NTRK2: variants seen among roughly 807,000 people sequenced by gnomAD.
NTRK2 encodes the protein neurotrophic receptor tyrosine kinase 2.
In NTRK2, 13 loss-of-function variants were observed where a neutral mutation model predicts 94.5. The observed-to-expected ratio is 0.14, with a 90% CI of 0.09 to 0.22. The LOEUF (loss-of-function observed/expected upper bound fraction) is 0.22, where lower values mean the gene tolerates loss of function less well. NTRK2 is among the 10% of genes least tolerant of loss of function. The pLI, the probability that NTRK2 is intolerant of heterozygous loss-of-function variation, is 1.00. For missense variants in NTRK2, 639 were observed against 1,071.2 expected, an observed-to-expected ratio of 0.60 and a Z score of 5.63; for synonymous variants, 372 against 407.4, an observed-to-expected ratio of 0.91 and a Z score of 1.05.
intron 12 of NTRK2, among the ~76,000 whole-genome samples, chr9:84,782,104 G>A (rs1419557346): frequency 5.6e-4 from 85 of 151,670 alleles, no homozygotes; most frequent in Admixed American, 5.3e-3. Flanking sequence ...GTCAGTGGGT[G>A]AGAGGAGCAG....
intron 5 of NTRK2, among the ~76,000 whole-genome samples, chr9:84,708,222 A>G (rs2061226517): frequency 6.6e-6 from 1 of 152,200 alleles, no homozygotes; most frequent in South Asian, 2.1e-4. Flanking sequence ...GCTTTGTGTG[A>G]AAACGGCTGT....
intron 14 of NTRK2, among the ~76,000 whole-genome samples, chr9:84,879,862 G>A (rs1412873774): frequency 6.6e-6 from 1 of 152,154 alleles, no homozygotes; most frequent in Non-Finnish European, 1.5e-5. Flanking sequence ...CCACATGGTG[G>A]GTGCTGAACT....
chr9:85,016,871 T>C (rs1832286649), intron 17 of NTRK2, among the ~76,000 whole-genome samples: 1 of 152,152 alleles, frequency 6.6e-6, no homozygotes, highest in African/African-American at 2.4e-5. Flanking sequence ...GAAGGGATTC[T>C]TGAAAGAATT....
intron 12 of NTRK2, among the ~76,000 whole-genome samples, chr9:84,786,913 C>T (rs1211452848): frequency 1.3e-5 from 2 of 152,050 alleles, no homozygotes; most frequent in African/African-American, 2.4e-5. Context: ...TTTTATTGTC[C>T]TTGAACCAAG....
intron 14 of NTRK2, chr9:84,873,003 A>G: frequency 9.4e-7 from 1 of 1,063,752 alleles, no homozygotes; most frequent in Non-Finnish European, 1.1e-6. Flanking sequence ...CATTACTTTG[A>G]GTACACATGA....
intron 2 of NTRK2, among the ~76,000 whole-genome samples, chr9:84,684,796 T>C (rs1174890012): frequency 6.6e-6 from 1 of 152,234 alleles, no homozygotes; most frequent in Non-Finnish European, 1.5e-5. Flanking sequence ...TGGTATTTTT[T>C]TTCCGTGAAC....
At chr9:84,735,023 C>CT in intron 9 of NTRK2, among the ~76,000 whole-genome samples, 1 of 152,096 alleles carries the variant, frequency 6.6e-6, no homozygotes, top group Middle Eastern at 3.4e-3. Flanking sequence ...GTCCTTTCTT[C>CT]TTTTTTGTAG....
intron 12 of NTRK2, among the ~76,000 whole-genome samples, chr9:84,802,738 A>G (rs942016280): frequency 6.6e-6 from 1 of 152,172 alleles, no homozygotes; most frequent in Non-Finnish European, 1.5e-5. Flanking sequence ...TTTCAGATAG[A>G]GTAAGCTCTC....
intron 9 of NTRK2, among the ~76,000 whole-genome samples, chr9:84,738,748 C>G (rs938789595): frequency 6.6e-6 from 1 of 152,034 alleles, no homozygotes; most frequent in African/African-American, 2.4e-5. Context: ...GTGAGTAGAC[C>G]TTTGTCAGAC....
At chr9:84,715,885 G>C (rs554449426) in intron 6 of NTRK2, among the ~76,000 whole-genome samples, 17 of 152,244 alleles carry the variant, frequency 1.1e-4, no homozygotes, top group African/African-American at 4.1e-4. Context: ...GATTATTAAG[G>C]AGAAGTGGAT....
At chr9:84,770,768 A>C (rs2066470247) in intron 12 of NTRK2, among the ~76,000 whole-genome samples, 1 of 152,132 alleles carries the variant, frequency 6.6e-6, no homozygotes, top group African/African-American at 2.4e-5. Flanking sequence ...TTTCATAATA[A>C]TCTTGCTTTT....
At chr9:84,891,058 C>G (rs1183249355) in intron 14 of NTRK2, among the ~76,000 whole-genome samples, 1 of 152,150 alleles carries the variant, frequency 6.6e-6, no homozygotes, top group East Asian at 1.9e-4. Context: ...GTCAACCTGG[C>G]TGTTTACTTC....
At chr9:84,826,348 T>A (rs2073188484) in intron 12 of NTRK2, among the ~76,000 whole-genome samples, 1 of 152,212 alleles carries the variant, frequency 6.6e-6, no homozygotes, top group Admixed American at 6.5e-5. Flanking sequence ...TGAGTCTCTG[T>A]GTCCTCTCTT....
At chr9:84,892,779 G>C (rs953141374) in intron 14 of NTRK2, among the ~76,000 whole-genome samples, 1 of 152,136 alleles carries the variant, frequency 6.6e-6, no homozygotes, top group Admixed American at 6.5e-5. Flanking sequence ...AAAATTAGCT[G>C]GGTGTGGTGG....
chr9:84,934,105 G>C (rs908642367), intron 14 of NTRK2, 57 bp from the exon 15 acceptor site: 1 of 1,605,126 alleles, frequency 6.2e-7, no homozygotes, highest in East Asian at 2.2e-5. Context: ...CTCTTCACCC[G>C]CTGCCTTCAC....
intron 15 of NTRK2, among the ~76,000 whole-genome samples, chr9:84,944,387 C>T (rs111338054): frequency 8.5e-5 from 13 of 152,120 alleles, no homozygotes; most frequent in East Asian, 3.9e-4. Flanking sequence ...CTCAGCCTCC[C>T]GAGTAGCTGG....
chr9:84,974,687 T>C (rs1826591383), intron 17 of NTRK2, among the ~76,000 whole-genome samples: 1 of 152,204 alleles, frequency 6.6e-6, no homozygotes, highest in South Asian at 2.1e-4. Flanking sequence ...AGTACCAACC[T>C]AGTTCATATC....
intron 2 of NTRK2, among the ~76,000 whole-genome samples, chr9:84,701,851 T>A (rs908651135): frequency 2.0e-5 from 3 of 152,138 alleles, no homozygotes; most frequent in African/African-American, 7.2e-5. Context: ...ATTTCCACGG[T>A]GTTTTCACAT....
chr9:84,860,891 GTTTATTTA>G lies in NTRK2; in HGVS notation c.1397-113_1397-106del, dbSNP rs143811359. 142,504 of 377,576 alleles carry G rather than the reference GTTTATTTA, an allele frequency of 0.38. 28,206 individuals are homozygous for G. Among genetic ancestry groups the G allele is most frequent in the South Asian group, 0.5 (9,002 of 17,840 alleles). 23.4% of individuals were successfully genotyped at this position (377,576 alleles called of 1,614,324 possible). On this transcript the variant is annotated intron_variant, in intron 12 of 18. Transcript: ENST00000277120. ...AGGAAGCTTTCATCCCAAGTGGTTT[GTTTATTTA>G]TTTATTTATTTATTTATTTATTTAT... is the stretch of plus-strand genomic sequence containing the variant.
Sources: allele counts gnomAD v4.1 joint callset (sites outside exome capture counted in the v4.1 genomes callset), GRCh38; gene constraint gnomAD v4.1.1; transcripts MANE v1.5; gene names NCBI Gene and HGNC (gene_info 2026-07-23, HGNC 2026-07-21).